TRPC7: variants seen among roughly 807,000 people sequenced by gnomAD.
TRPC7 encodes the protein short transient receptor potential channel 7.
In TRPC7, 42 loss-of-function variants were observed where a neutral mutation model predicts 90.1. The ratio of observed to expected loss-of-function variants is 0.47; its 90% CI spans 0.36 to 0.60. The LOEUF is 0.60. Ranked by LOEUF, TRPC7 falls within the 20% of genes least tolerant of loss-of-function variation. The probability of loss-of-function intolerance (pLI) is 0.00; values close to 1 mark genes in which losing one functional copy is unlikely to be tolerated. For missense variants in TRPC7, 955 were observed against 1,112.3 expected (o/e 0.86, Z 2.01); for synonymous variants, 451 against 436.3 (o/e 1.03, Z -0.42).
rs543654917 is a variant in TRPC7 at position 136,260,768 on chromosome 5, G to A, written c.1345+5452C>T. On this transcript the variant is annotated intron_variant, in intron 5 of 11. Coordinates refer to ENST00000513104, the MANE Select transcript of TRPC7 (RefSeq NM_020389.3). Reference sequence around the variant, plus strand: ...ATTGAGAACAGACTGAGTCATGGGGGTGGGAGGGGCAGCAGCAAGGAGACC... The same window carrying A: ...ATTGAGAACAGACTGAGTCATGGGGATGGGAGGGGCAGCAGCAAGGAGACC... 7.2e-5 allele frequency among the ~76,000 whole-genome samples: 11 copies of A among 152,330 alleles called. No individual in the cohort carries two copies. In the South Asian group the frequency reaches 2.3e-3, roughly 32 times the overall value.
At chr5:136,342,624 C>T (rs868225567) in intron 2 of TRPC7, among the ~76,000 whole-genome samples, 1 of 152,108 alleles carries the variant, frequency 6.6e-6, no homozygotes, top group African/African-American at 2.4e-5. Context: ...AGAAGTTGCT[C>T]TATGGTGGAA....
intron 8 of TRPC7, among the ~76,000 whole-genome samples, chr5:136,227,795 C>T (rs1561679157): frequency 6.6e-6 from 1 of 152,154 alleles, no homozygotes; most frequent in Non-Finnish European, 1.5e-5. Context: ...CCACTCTGGG[C>T]CTTAGTTTCC....
chr5:136,304,419 C>T lies in TRPC7; in HGVS notation c.963+11178G>A, dbSNP rs145091607. On this transcript the variant is annotated intron_variant, in intron 3 of 11. Coordinates refer to ENST00000513104, the MANE Select transcript of TRPC7 (RefSeq NM_020389.3). ...TTCCCCCATTTTACCTGTCCTAAAA[C>T]GAGATAAGGCTTACAAGTTAGTTCA... is the stretch of plus-strand genomic sequence containing the variant. Among the ~76,000 whole-genome samples the T allele has an allele frequency of 2.8e-3, 423 of 152,258 alleles. 10 individuals are homozygous for T. Among genetic ancestry groups the T allele is most frequent in the Admixed American group, 0.022 (341 of 15,300 alleles).
chr5:136,336,576 T>A (rs746354227), intron 2 of TRPC7, among the ~76,000 whole-genome samples: 1 of 152,006 alleles, frequency 6.6e-6, no homozygotes, highest in Non-Finnish European at 1.5e-5. Flanking sequence ...TTGTTACATA[T>A]GTATACATGT....
chr5:136,361,971 A>G (rs1760582474), intron 1 of TRPC7, among the ~76,000 whole-genome samples: 1 of 152,204 alleles, frequency 6.6e-6, no homozygotes, highest in African/African-American at 2.4e-5. Flanking sequence ...CCTGGATACC[A>G]TAACACTTTA....
intron 7 of TRPC7, among the ~76,000 whole-genome samples, chr5:136,243,111 T>G (rs1254093904): frequency 6.6e-6 from 1 of 152,186 alleles, no homozygotes; most frequent in African/African-American, 2.4e-5. Context: ...TTCTCTTCTT[T>G]CCCTCTGTCT....
intron 4 of TRPC7, among the ~76,000 whole-genome samples, chr5:136,266,804 TG>T (rs1345509591): frequency 6.6e-6 from 1 of 152,248 alleles, no homozygotes; most frequent in Non-Finnish European, 1.5e-5. Context: ...GCTCGGTTTT[TG>T]TTTAATCTAC....
rs191124042 is a variant in TRPC7, at chr5:136,302,571, C to T, written c.963+13026G>A. On this transcript the variant is annotated intron_variant, in intron 3 of 11. Transcript: ENST00000513104. ...CCTTCACTATGGGCAACCTTGCACCCTCCATTCCTCCTTCTTCTCCCTTAG... is the reference window on the plus strand; with the variant it reads ...CCTTCACTATGGGCAACCTTGCACCTTCCATTCCTCCTTCTTCTCCCTTAG... Among the ~76,000 whole-genome samples, 85 of 152,162 alleles carry T rather than the reference C, an allele frequency of 5.6e-4. 1 individual carries two copies. The highest frequency in any genetic ancestry group is 2.0e-3 in the African/African-American group (83 of 41,518).
intron 8 of TRPC7, among the ~76,000 whole-genome samples, chr5:136,228,204 G>A (rs768174536): frequency 5.3e-5 from 8 of 152,036 alleles, no homozygotes; most frequent in Non-Finnish European, 1.2e-4. Flanking sequence ...TGAGGCCACT[G>A]ACCCAGTCTG....
intron 3 of TRPC7, among the ~76,000 whole-genome samples, chr5:136,296,007 A>G (rs1758156989): frequency 1.3e-5 from 2 of 152,194 alleles, no homozygotes; most frequent in South Asian, 4.1e-4. Context: ...ACATATCATT[A>G]ACTTGGCCAC....
chr5:136,217,337 T>C (rs139457872), intron 10 of TRPC7, among the ~76,000 whole-genome samples: 47 of 152,358 alleles, frequency 3.1e-4, no homozygotes, highest in African/African-American at 1.0e-3. Context: ...GTAAGTGAAC[T>C]GGATGCAAAG....
intron 3 of TRPC7, among the ~76,000 whole-genome samples, chr5:136,312,731 G>T (rs1758874292): frequency 1.3e-5 from 2 of 152,238 alleles, no homozygotes; most frequent in East Asian, 1.9e-4. Context: ...CCAGCCAGAG[G>T]TCCAGACATT....
At chr5:136,351,120 A>G in intron 2 of TRPC7, among the ~76,000 whole-genome samples, 1 of 152,166 alleles carries the variant, frequency 6.6e-6, no homozygotes, top group East Asian at 1.9e-4. Flanking sequence ...TATTTGTATT[A>G]TTTTTATTGT....
intron 2 of TRPC7, among the ~76,000 whole-genome samples, chr5:136,323,973 G>A (rs1300117357): frequency 1.3e-5 from 2 of 151,758 alleles, no homozygotes; most frequent in Non-Finnish European, 1.5e-5. Context: ...TTATTTAGGT[G>A]TTCTTTGATT....
intron 5 of TRPC7, among the ~76,000 whole-genome samples, chr5:136,262,123 C>T (rs1211269244): frequency 6.6e-6 from 1 of 152,210 alleles, no homozygotes; most frequent in Non-Finnish European, 1.5e-5. Flanking sequence ...TCCTTCCTGT[C>T]TAAATTACTG....
chr5:136,245,141 G>A (rs571796781), intron 7 of TRPC7, among the ~76,000 whole-genome samples: 1 of 152,200 alleles, frequency 6.6e-6, no homozygotes, highest in African/African-American at 2.4e-5. Flanking sequence ...CTTGCCCAAG[G>A]CCACAAAGTC....
intron 2 of TRPC7, among the ~76,000 whole-genome samples, chr5:136,342,933 G>T (rs1759889406): frequency 6.6e-6 from 1 of 152,170 alleles, no homozygotes; most frequent in Admixed American, 6.5e-5. Context: ...GAATGGAATA[G>T]AAAACAAAGA....
chr5:136,329,141 A>T (rs1392438279), intron 2 of TRPC7, among the ~76,000 whole-genome samples: 4 of 152,238 alleles, frequency 2.6e-5, no homozygotes. Flanking sequence ...CATTTGTGAA[A>T]TCCCAGAAGT....
intron 7 of TRPC7, 37 bp from the exon 8 acceptor site, chr5:136,231,586 A>G (rs527449897): frequency 3.3e-6 from 5 of 1,530,204 alleles, no homozygotes; most frequent in East Asian, 4.7e-5. Context: ...CGCAGTTTGC[A>G]TCAGCTTGAA....
Sources: allele counts gnomAD v4.1 joint callset (sites outside exome capture counted in the v4.1 genomes callset), GRCh38; gene constraint gnomAD v4.1.1; transcripts MANE v1.5; gene names NCBI Gene and HGNC (gene_info 2026-07-23, HGNC 2026-07-21).